CEP89: variants seen among roughly 807,000 people sequenced by gnomAD.
The protein encoded by CEP89 is centrosomal protein of 89 kDa.
A neutral mutation model predicts 97.6 loss-of-function variants in CEP89; 95 were observed. That is an observed-to-expected ratio of 0.97 (90% CI 0.82 to 1.15). The LOEUF is 1.15. Among genes scored for constraint, CEP89 ranks in the 50% most tolerant of loss-of-function variants. CEP89 has a pLI of 0.00. For missense variants in CEP89, 869 were observed against 947.7 expected (o/e 0.92, Z 1.09); for synonymous variants, 354 against 349.1 (o/e 1.01, Z -0.16).
Position 32,942,172 on chromosome 19 carries a change from G to A in CEP89, c.596-2287C>T, listed in dbSNP as rs966083907. 5.3e-5 allele frequency among the ~76,000 whole-genome samples: 8 copies of A among 152,210 alleles called. No individual in the cohort carries two copies. The East Asian group carries it at 7.7e-4, about 15-fold the overall frequency. On this transcript the variant is annotated intron_variant, in intron 5 of 18. Transcript: ENST00000305768. ...CGAGGCAGGTAGATCGGTTGAGCCC[G>A]GGAGTTTGAGACCAGCCTGGGCAAC...
chr19:32,966,354 A>T lies in CEP89; in HGVS notation c.146+6T>A, dbSNP rs1015717304. 3 of 1,501,842 alleles carry T rather than the reference A, an allele frequency of 2.0e-6. No homozygotes were observed. The highest frequency in any genetic ancestry group is 2.7e-6 in the Non-Finnish European group (3 of 1,111,824). The allele number at this position is 1,501,842 out of a possible 1,614,324, so 93.0% of individuals were successfully genotyped here. ...TGACCTCAGTGCCTGCTCATCTGAT[A>T]CTCACCTTGGTCTCTCTGGAGATGG... is the stretch of plus-strand genomic sequence containing the variant. On this transcript the variant is annotated splice_donor_region_variant and intron_variant, in intron 2 of 18. Coordinates refer to ENST00000305768, the MANE Select transcript of CEP89 (RefSeq NM_032816.5).
intron 12 of CEP89, among the ~76,000 whole-genome samples, chr19:32,918,945 C>T (rs1176002742): frequency 5.0e-5 from 7 of 139,154 alleles, no homozygotes; most frequent in African/African-American, 8.3e-5. Flanking sequence ...AGTGCAGTGG[C>T]GCAATCTCGG....
At position 32,931,359 on chromosome 19, in the gene CEP89, G is replaced by A; in HGVS notation, c.1029+70C>T. 3 of 1,339,808 alleles carry A rather than the reference G, an allele frequency of 2.2e-6. No homozygotes were observed. In the South Asian group the frequency reaches 4.2e-5, roughly 19 times the overall value. 83.0% of individuals were successfully genotyped at this position (1,339,808 alleles called of 1,614,324 possible). A position where few individuals can be genotyped will look rare whatever the true frequency, so the allele number is the denominator to read the frequency against. Reference sequence around the variant, plus strand: ...ATTATAATAAATAAGAACCTCTCAAGATTGGAAATCAATTCAACAGTAAAG... The same window carrying A: ...ATTATAATAAATAAGAACCTCTCAAAATTGGAAATCAATTCAACAGTAAAG... On this transcript the variant is annotated intron_variant, in intron 9 of 18. Transcript: ENST00000305768.
chr19:32,971,309 G>A (rs1036529387), intron 1 of CEP89: 4 of 418,106 alleles, frequency 9.6e-6, no homozygotes, highest in African/African-American at 6.1e-5. Context: ...TCGTCCAGGA[G>A]TTAACTCCGG....
intron 13 of CEP89, chr19:32,917,948 A>C (rs532219837): frequency 3.1e-4 from 83 of 268,622 alleles, no homozygotes; most frequent in Middle Eastern, 1.8e-3. Flanking sequence ...CTAAGGTACT[A>C]TTTTACCCCA....
At position 32,918,211 on chromosome 19, in the gene CEP89, G is replaced by A. The variant is rs1970169742; in HGVS notation, c.1384+13C>T. The A allele has an allele frequency of 1.3e-6, 2 of 1,586,168 alleles. No homozygotes were observed. Among genetic ancestry groups the A allele is most frequent in the African/African-American group, 1.3e-5 (1 of 74,382 alleles). ...CATCAATGCATGACCAGTCCTCACTGGAAGGACCTCACCTTCTTGGAGGCG... is the reference window on the plus strand; with the variant it reads ...CATCAATGCATGACCAGTCCTCACTAGAAGGACCTCACCTTCTTGGAGGCG... On this transcript the variant is annotated intron_variant, in intron 13 of 18. Transcript: ENST00000305768.
At chr19:32,898,424 C>T (rs1347860273) in intron 16 of CEP89, among the ~76,000 whole-genome samples, 1 of 151,922 alleles carries the variant, frequency 6.6e-6, no homozygotes, top group Non-Finnish European at 1.5e-5. Flanking sequence ...GGGCAGGTGG[C>T]TGAATGAAGA....
Position 32,900,301 on chromosome 19 carries a change from G to A in CEP89, c.1734-303C>T, listed in dbSNP as rs561422457. Among the ~76,000 whole-genome samples the A allele has an allele frequency of 5.4e-5, 8 of 147,672 alleles. No homozygotes were observed. The East Asian group carries it at 1.2e-3, about 22-fold the overall frequency. On this transcript the variant is annotated intron_variant, in intron 15 of 18. Transcript: ENST00000305768. Reference sequence around the variant, plus strand: ...TGCTCTGTCACCCAGGCTGGAGTGCGGTGGCATGATCATGGCTCACTGTAA... The same window carrying A: ...TGCTCTGTCACCCAGGCTGGAGTGCAGTGGCATGATCATGGCTCACTGTAA...
intron 17 of CEP89, among the ~76,000 whole-genome samples, chr19:32,885,295 C>A (rs60236626): frequency 0.081 from 12,362 of 152,194 alleles, 1,558 homozygotes; most frequent in African/African-American, 0.27. Flanking sequence ...GTTAATTTTG[C>A]CGAAGTTTCC....
At chr19:32,914,568 A>C (rs1236108143) in intron 14 of CEP89, among the ~76,000 whole-genome samples, 1 of 151,958 alleles carries the variant, frequency 6.6e-6, no homozygotes, top group Non-Finnish European at 1.5e-5. Flanking sequence ...CACTACCCCC[A>C]GCCCAGTTCC....
At chr19:32,910,214 T>C (rs947207198) in intron 14 of CEP89, among the ~76,000 whole-genome samples, 47 of 149,822 alleles carry the variant, frequency 3.1e-4, no homozygotes, top group Admixed American at 2.4e-3. Flanking sequence ...TGAGCTGAGA[T>C]CGTGCCACTG....
chr19:32,887,128 C>T (rs895288171), intron 17 of CEP89, among the ~76,000 whole-genome samples: 1 of 151,680 alleles, frequency 6.6e-6, no homozygotes, highest in African/African-American at 2.4e-5. Context: ...GAGTTCGAGG[C>T]TGCAGTGAGC....
chr19:32,930,008 T>G (rs934786260), intron 9 of CEP89, among the ~76,000 whole-genome samples: 1 of 149,790 alleles, frequency 6.7e-6, no homozygotes, highest in African/African-American at 2.5e-5. Flanking sequence ...GGTATGACAC[T>G]TCCTTTTTTT....
intron 16 of CEP89, among the ~76,000 whole-genome samples, chr19:32,890,582 C>T (rs987757466): frequency 6.6e-6 from 1 of 152,046 alleles, no homozygotes; most frequent in African/African-American, 2.4e-5. Context: ...GCGGCACCCG[C>T]GCAATGAAGG....
chr19:32,924,312 A>G (rs922812061), intron 11 of CEP89, among the ~76,000 whole-genome samples: 2 of 152,164 alleles, frequency 1.3e-5, no homozygotes, highest in Non-Finnish European at 1.5e-5. Flanking sequence ...AGTTTTGTCC[A>G]TGACAACCAT....
At chr19:32,946,321 A>G (rs963395090) in intron 5 of CEP89, among the ~76,000 whole-genome samples, 1 of 152,056 alleles carries the variant, frequency 6.6e-6, no homozygotes, top group Non-Finnish European at 1.5e-5. Flanking sequence ...TCTTCAAGTC[A>G]TTGTGTGTGT....
chr19:32,917,924 GA>G (rs1970162074), intron 13 of CEP89: 1 of 349,818 alleles, frequency 2.9e-6, no homozygotes, highest in African/African-American at 2.2e-5. Flanking sequence ...TACCTCACGT[GA>G]TCATTCCCAT....
At chr19:32,895,429 T>C (rs941174807) in intron 16 of CEP89, among the ~76,000 whole-genome samples, 10 of 152,190 alleles carry the variant, frequency 6.6e-5, no homozygotes, top group Admixed American at 5.2e-4. Flanking sequence ...TCCTTCGTGA[T>C]AAAAACACTT....
chr19:32,883,537 C>T (rs186414655), intron 17 of CEP89, among the ~76,000 whole-genome samples: 2 of 151,902 alleles, frequency 1.3e-5, no homozygotes, highest in East Asian at 2.0e-4. Flanking sequence ...ATCAGCTGGG[C>T]GTGGTGGCAC....
Sources: gnomAD v4.1 joint callset for allele counts (sites outside exome capture counted in the v4.1 genomes callset) on GRCh38, gnomAD v4.1.1 for gene constraint, MANE v1.5 for transcripts, NCBI Gene and HGNC (gene_info 2026-07-23, HGNC 2026-07-21) for gene names.